VPS41: variants seen among roughly 807,000 people sequenced by gnomAD.
VPS41 encodes the protein vacuolar protein sorting-associated protein 41 homolog.
VPS41 carries 85 observed loss-of-function variants against 130.9 expected under a neutral mutation model. The ratio of observed to expected loss-of-function variants is 0.65; its 90% CI spans 0.55 to 0.78. VPS41 has a LOEUF of 0.78. Ranked by LOEUF, VPS41 falls within the 30% of genes least tolerant of loss-of-function variation. The pLI, the probability that VPS41 is intolerant of heterozygous loss-of-function variation, is 0.00. For synonymous variants in VPS41, 335 were observed against 332.9 expected, an observed-to-expected ratio of 1.01 and a Z score of -0.07; for missense variants, 874 against 1,018.7, an observed-to-expected ratio of 0.86 and a Z score of 1.93.
At chr7:38,850,611 A>AGACT (rs1274767660) in intron 4 of VPS41, among the ~76,000 whole-genome samples, 1 of 152,180 alleles carries the variant, frequency 6.6e-6, no homozygotes, top group Non-Finnish European at 1.5e-5. Flanking sequence ...AATAATAGGA[A>AGACT]GACTGGTAAG....
At chr7:38,807,645 G>A (rs37476) in intron 7 of VPS41, among the ~76,000 whole-genome samples, 142,465 of 152,260 alleles carry the variant, frequency 0.94, 66,801 homozygotes, top group East Asian at 1. Context: ...CATGACACAA[G>A]GTTGTATTCA....
At chr7:38,867,897 G>T (rs1423936335) in intron 3 of VPS41, among the ~76,000 whole-genome samples, 1 of 152,198 alleles carries the variant, frequency 6.6e-6, no homozygotes, top group East Asian at 1.9e-4. Context: ...AACTGAAGAT[G>T]CTGGTAAGAT....
At chr7:38,847,906 C>T (rs1785762984) in intron 4 of VPS41, among the ~76,000 whole-genome samples, 1 of 152,148 alleles carries the variant, frequency 6.6e-6, no homozygotes, top group South Asian at 2.1e-4. Flanking sequence ...AGTAAAGTCA[C>T]TTACCTAAAA....
chr7:38,874,060 C>T (rs759274289), intron 2 of VPS41, among the ~76,000 whole-genome samples: 97 of 152,178 alleles, frequency 6.4e-4, no homozygotes, highest in African/African-American at 7.0e-4. Flanking sequence ...AATTTGTATA[C>T]AAGAAATTGA....
Position 38,753,638 on chromosome 7 carries a change from T to C in VPS41, c.1788+1064A>G, listed in dbSNP as rs552754581. Among the ~76,000 whole-genome samples, 5 of 152,250 alleles carry C rather than the reference T, an allele frequency of 3.3e-5. No homozygotes were observed. The East Asian group carries it at 5.8e-4, about 18-fold the overall frequency. ...TGCCACCACTTCACCATTGCACTGATTACATTGTCGCACAGAGAGCTACTG... is the reference window on the plus strand; with the variant it reads ...TGCCACCACTTCACCATTGCACTGACTACATTGTCGCACAGAGAGCTACTG... On this transcript the variant is annotated intron_variant, in intron 21 of 28. Transcript: ENST00000310301.
intron 21 of VPS41, 103 bp from the exon 22 acceptor site, chr7:38,752,416 G>T: frequency 1.4e-6 from 2 of 1,395,444 alleles, no homozygotes; most frequent in South Asian, 2.6e-5. Flanking sequence ...GGACAGGTTG[G>T]GGGAGAAGCA....
chr7:38,771,120 C>G lies in VPS41; in HGVS notation c.1185+78G>C, dbSNP rs1251837416. On this transcript the variant is annotated intron_variant, in intron 14 of 28. Transcript: ENST00000310301. ...TCTCAAAAGATAGGAAAAACCTGTT[C>G]TTTTCAAATTATTTTCAGTCTCACT... 3 of 1,062,044 alleles carry G rather than the reference C, an allele frequency of 2.8e-6. No individual in the cohort carries two copies. The African/African-American group carries it at 4.8e-5, about 17-fold the overall frequency. The allele number at this position is 1,062,044 out of a possible 1,614,324, so 65.8% of individuals were successfully genotyped here. A position where few individuals can be genotyped will look rare whatever the true frequency, so the allele number is the denominator to read the frequency against.
At chr7:38,861,437 A>G (rs775741316) in intron 4 of VPS41, among the ~76,000 whole-genome samples, 1 of 152,180 alleles carries the variant, frequency 6.6e-6, no homozygotes, top group South Asian at 2.1e-4. Flanking sequence ...TCCAGTGTCC[A>G]GTGGGTAGAA....
At chr7:38,797,426 G>A (rs1784643136) in intron 7 of VPS41, among the ~76,000 whole-genome samples, 2 of 151,746 alleles carry the variant, frequency 1.3e-5, no homozygotes, top group Non-Finnish European at 2.9e-5. Context: ...TTATTTTAAC[G>A]GGAAGATTCT....
chr7:38,743,690 A>T (rs1795930123), intron 23 of VPS41, 148 bp from the exon 24 acceptor site: 1 of 864,316 alleles, frequency 1.2e-6, no homozygotes, highest in Non-Finnish European at 1.7e-6. Flanking sequence ...TACTGTCTAT[A>T]ACATAGCAAA....
At chr7:38,896,831 G>A (rs770714253) in intron 2 of VPS41, among the ~76,000 whole-genome samples, 12 of 152,176 alleles carry the variant, frequency 7.9e-5, no homozygotes, top group Admixed American at 2.6e-4. Context: ...TCCTCTGAGC[G>A]AAATGAAATA....
At chr7:38,847,814 A>C (rs1785760330) in intron 4 of VPS41, among the ~76,000 whole-genome samples, 1 of 152,210 alleles carries the variant, frequency 6.6e-6, no homozygotes. Context: ...TTTTGATTTA[A>C]TGATAGCTGC....
Position 38,766,483 on chromosome 7 carries a change from C to A in VPS41, c.1248-822G>T, listed in dbSNP as rs142733807. 1.6e-3 allele frequency among the ~76,000 whole-genome samples: 238 copies of A among 152,288 alleles called. 2 individuals carry two copies. The highest frequency in any genetic ancestry group is 5.1e-3 in the African/African-American group (214 of 41,566). On this transcript the variant is annotated intron_variant, in intron 15 of 28. Transcript: ENST00000310301. ...GCAAACAGCTCTAGAAATGAGACGA[C>A]ACAAATAGTGTCTCCCTCCTGAGGA...
chr7:38,899,630 A>G (rs760981306), intron 1 of VPS41, among the ~76,000 whole-genome samples: 33 of 152,076 alleles, frequency 2.2e-4, no homozygotes, highest in Non-Finnish European at 1.8e-4. Context: ...ACCACCCACA[A>G]CATTATAAAC....
At chr7:38,749,911 G>A (rs1321330293) in intron 22 of VPS41, among the ~76,000 whole-genome samples, 2 of 152,056 alleles carry the variant, frequency 1.3e-5, no homozygotes, top group Admixed American at 6.6e-5. Flanking sequence ...CGCCTAGGCC[G>A]GAGTGCACTG....
At chr7:38,784,117 T>C (rs1784398111) in intron 10 of VPS41, among the ~76,000 whole-genome samples, 1 of 152,182 alleles carries the variant, frequency 6.6e-6, no homozygotes, top group Non-Finnish European at 1.5e-5. Flanking sequence ...CTAAATATAA[T>C]ACTAATATTA....
intron 25 of VPS41, among the ~76,000 whole-genome samples, chr7:38,737,660 T>C (rs911521111): frequency 2.6e-5 from 4 of 152,182 alleles, no homozygotes; most frequent in Admixed American, 1.3e-4. Context: ...GGCATGATTC[T>C]GCCAAGTGTA....
intron 4 of VPS41, chr7:38,831,084 T>C (rs1785378001): frequency 4.9e-6 from 2 of 409,098 alleles, no homozygotes; most frequent in East Asian, 7.1e-5. Flanking sequence ...TCAACTTCTA[T>C]AGTCTTTGAA....
chr7:38,754,788 G>C, intron 20 of VPS41, 36 bp from the exon 21 acceptor site: 1 of 1,601,276 alleles, frequency 6.2e-7, no homozygotes, highest in Non-Finnish European at 8.6e-7. Flanking sequence ...GTGGAGTCAT[G>C]AGGACAGAAA....
Sources: allele counts gnomAD v4.1 joint callset (sites outside exome capture counted in the v4.1 genomes callset), GRCh38; gene constraint gnomAD v4.1.1; transcripts MANE v1.5; gene names NCBI Gene and HGNC (gene_info 2026-07-23, HGNC 2026-07-21).